The following MEGF10 variants were observed in gnomAD, a reference collection of about 807,000 sequenced individuals.
MEGF10 encodes multiple EGF like domains 10.
Under a neutral mutation model 147.5 loss-of-function variants are expected in MEGF10, and 86 were observed. That is an observed-to-expected ratio of 0.58 (90% CI 0.49 to 0.70). MEGF10 has a LOEUF of 0.70. Ranked by LOEUF, MEGF10 falls within the 30% of genes least tolerant of loss-of-function variation. The pLI is 0.00. For synonymous variants in MEGF10, 478 were observed against 525.5 expected, an observed-to-expected ratio of 0.91 and a Z score of 1.24; for missense variants, 1,329 against 1,487.3, an observed-to-expected ratio of 0.89 and a Z score of 1.75.
At chr5:127,332,935 G>A (rs929347991) in intron 2 of MEGF10, among the ~76,000 whole-genome samples, 7 of 152,140 alleles carry the variant, frequency 4.6e-5, no homozygotes, top group African/African-American at 1.4e-4. Flanking sequence ...TGTGAAATAA[G>A]AATCAACAGA....
chr5:127,281,670 T>A, the MEGF10 span, among the ~76,000 whole-genome samples: 1 of 152,170 alleles, frequency 6.6e-6, no homozygotes, highest in Non-Finnish European at 1.5e-5. Flanking sequence ...GGCATCTGCT[T>A]AGCTGCTGCT....
intron 21 of MEGF10, 34 bp downstream of exon 21, chr5:127,447,718 G>A (rs769007448): frequency 6.2e-7 from 1 of 1,612,976 alleles, no homozygotes; most frequent in Non-Finnish European, 8.5e-7. Flanking sequence ...TTGGAAGTGG[G>A]CTGGGGAGAG....
In MEGF10 at chr5:127,302,300, GAAGT is replaced by G. The variant is rs146506374; in HGVS notation, c.-19+11246_-19+11249del. Among the ~76,000 whole-genome samples the G allele has an allele frequency of 8.7e-3, 1,330 of 152,270 alleles. 23 individuals are homozygous for G. Among genetic ancestry groups the G allele is most frequent in the African/African-American group, 0.03 (1,234 of 41,568 alleles). ...ATATTATTTAGTCATGGAAAGAAAT[GAAGT>G]ATGTATGATACATGCTACAACATGG... On this transcript the variant is annotated intron_variant, in intron 1 of 24. Coordinates refer to ENST00000503335, the MANE Select transcript of MEGF10 (RefSeq NM_001256545.2).
At chr5:127,275,404 C>T in the MEGF10 span, among the ~76,000 whole-genome samples, 1 of 152,170 alleles carries the variant, frequency 6.6e-6, no homozygotes, top group South Asian at 2.1e-4. Context: ...CTATCAGAGT[C>T]GGGAGCTTGC....
At chr5:127,414,909 G>A (rs1764701531) in intron 9 of MEGF10, among the ~76,000 whole-genome samples, 1 of 152,190 alleles carries the variant, frequency 6.6e-6, no homozygotes, top group Non-Finnish European at 1.5e-5. Flanking sequence ...AAGGAAGAGT[G>A]TAAGTGGAGA....
the MEGF10 span, among the ~76,000 whole-genome samples, chr5:127,251,417 C>T: frequency 1.6e-4 from 24 of 152,084 alleles, no homozygotes; most frequent in African/African-American, 5.3e-4. Flanking sequence ...ATTATACTAC[C>T]TACGTCTTAT....
intron 20 of MEGF10, among the ~76,000 whole-genome samples, chr5:127,445,925 T>C (rs956478590): frequency 2.0e-5 from 3 of 152,174 alleles, no homozygotes; most frequent in African/African-American, 7.2e-5. Flanking sequence ...TCATTGTGTT[T>C]GTGGTTTAGA....
intron 13 of MEGF10, among the ~76,000 whole-genome samples, chr5:127,432,065 A>C (rs1160156513): frequency 6.6e-6 from 1 of 152,172 alleles, no homozygotes; most frequent in Non-Finnish European, 1.5e-5. Context: ...TTATGAACAG[A>C]CCTGGTCTCC....
At chr5:127,307,213 A>G (rs965006309) in intron 1 of MEGF10, among the ~76,000 whole-genome samples, 6 of 152,118 alleles carry the variant, frequency 3.9e-5, no homozygotes, top group African/African-American at 1.4e-4. Context: ...ACACCATATG[A>G]TGTTAGACAC....
At chr5:127,340,496 T>C in intron 3 of MEGF10, 34 bp from the exon 4 acceptor site, 1 of 1,560,156 alleles carries the variant, frequency 6.4e-7, no homozygotes, top group South Asian at 1.1e-5. Context: ...CAGACTTTTA[T>C]TATGTTTAAT....
chr5:127,269,540 A>C, the MEGF10 span, among the ~76,000 whole-genome samples: 7 of 152,200 alleles, frequency 4.6e-5, no homozygotes. Flanking sequence ...GTTTAGAGAA[A>C]AAAGAGTAAA....
chr5:127,432,848 G>C (rs938876030), intron 13 of MEGF10, among the ~76,000 whole-genome samples: 1 of 152,158 alleles, frequency 6.6e-6, no homozygotes, highest in African/African-American at 2.4e-5. Context: ...TTGGTGGCAC[G>C]TGTCAGTGCA....
intron 13 of MEGF10, chr5:127,424,235 A>G (rs2126982817): frequency 1.5e-6 from 1 of 661,652 alleles, no homozygotes; most frequent in Non-Finnish European, 2.7e-6. Flanking sequence ...TTGTCTATAT[A>G]TCTCTCCTTA....
chr5:127,449,078 C>T (rs754641192), intron 21 of MEGF10, 21 bp from the exon 22 acceptor site: 9 of 1,613,396 alleles, frequency 5.6e-6, no homozygotes, highest in South Asian at 4.4e-5. Flanking sequence ...TTTAATCTTT[C>T]GTTGTTTATA....
chr5:127,265,727 A>G, the MEGF10 span, among the ~76,000 whole-genome samples: 1 of 152,144 alleles, frequency 6.6e-6, no homozygotes, highest in Non-Finnish European at 1.5e-5. Flanking sequence ...TCTTTTGAGA[A>G]GTGTCTGTTC....
At chr5:127,328,532 A>G (rs1369281344) in intron 1 of MEGF10, among the ~76,000 whole-genome samples, 1 of 152,228 alleles carries the variant, frequency 6.6e-6, no homozygotes, top group Admixed American at 6.5e-5. Context: ...TCACAGGGCA[A>G]TGCATCAGAT....
chr5:127,271,085 G>C, the MEGF10 span, among the ~76,000 whole-genome samples: 1 of 152,134 alleles, frequency 6.6e-6, no homozygotes, highest in Non-Finnish European at 1.5e-5. Context: ...CCCAGTAATG[G>C]GATGGCTGGA....
intron 1 of MEGF10, among the ~76,000 whole-genome samples, chr5:127,312,383 A>T (rs1216057078): frequency 6.6e-6 from 1 of 152,216 alleles, no homozygotes; most frequent in Non-Finnish European, 1.5e-5. Flanking sequence ...ACCGTGTCCG[A>T]CATACACTCC....
the MEGF10 span, among the ~76,000 whole-genome samples, chr5:127,256,510 G>A: frequency 2.0e-5 from 3 of 151,606 alleles, no homozygotes; most frequent in Admixed American, 6.6e-5. Flanking sequence ...ATTTTCCTTC[G>A]ACTGACCACC....
Sources: allele counts gnomAD v4.1 joint callset (sites outside exome capture counted in the v4.1 genomes callset), GRCh38; gene constraint gnomAD v4.1.1; transcripts MANE v1.5; gene names NCBI Gene and HGNC (gene_info 2026-07-23, HGNC 2026-07-21).